The following PAX4 variants were observed in gnomAD, a reference collection of about 807,000 sequenced individuals.
PAX4 encodes the protein paired box 4, also known as paired box protein Pax-4.
A neutral mutation model predicts 40.6 loss-of-function variants in PAX4; 33 were observed. That is an observed-to-expected ratio of 0.81 (90% CI 0.62 to 1.09). PAX4 has a LOEUF of 1.09. Among genes scored for constraint, PAX4 ranks in the 50% least tolerant of loss-of-function variants. The probability of loss-of-function intolerance (pLI) is 0.00; values close to 1 mark genes in which losing one functional copy is unlikely to be tolerated. For missense variants in PAX4, 459 were observed against 442.5 expected, an observed-to-expected ratio of 1.04 and a Z score of -0.33; for synonymous variants, 174 against 170.6, an observed-to-expected ratio of 1.02 and a Z score of -0.16.
Position 127,614,994 on chromosome 7 carries a change from G to A in PAX4, c.246C>T (p.Pro82=). Residue 82 remains proline, a synonymous_variant, in exon 5 of 12, where the codon CCC becomes CCT. Coordinates refer to ENST00000639438, the MANE Select transcript of PAX4 (RefSeq NM_001366110.1). Reference sequence around the variant, plus strand: ...GCTGGGCAATTCGAGCCACCACAGGGGGTGTAGCCAGCCGTGGCTTGCTTC... The same window carrying A: ...GCTGGGCAATTCGAGCCACCACAGGAGGTGTAGCCAGCCGTGGCTTGCTTC... ...IGGSKPRLAT[P]PVVARIAQLK... 1 of 1,614,160 alleles carries A rather than the reference G, an allele frequency of 6.2e-7. No individual in the cohort carries two copies. Among genetic ancestry groups the A allele is most frequent in the Non-Finnish European group, 8.5e-7 (1 of 1,180,028 alleles).
Position 127,611,772 on chromosome 7 carries a change from C to T in PAX4, c.772-96G>A, listed in dbSNP as rs146298807. The stretch of plus-strand genomic sequence containing the variant: ...GAGCTGCCTGCCACCCAAGTAGTAT[C>T]CTGCACAACTCCAGAGGGCACCATT... On this transcript the variant is annotated intron_variant, in intron 10 of 11. Transcript: ENST00000639438. The T allele has an allele frequency of 1.4e-3, 2,231 of 1,601,880 alleles. 33 individuals carry two copies. In the African/African-American group the frequency reaches 0.026, roughly 18 times the overall value.
rs375023062 is a variant in PAX4 at position 127,610,497 on chromosome 7, G to A, written c.*567C>T. 5.2e-6 allele frequency: 1 copy of A among 193,236 alleles called. No individual in the cohort carries two copies. The allele number at this position is 193,236 out of a possible 1,614,324, so 12.0% of individuals were successfully genotyped here. A position where few individuals can be genotyped will look rare whatever the true frequency, so the allele number is the denominator to read the frequency against. On this transcript the variant is annotated 3_prime_UTR_variant, in exon 12 of 12. Transcript: ENST00000639438. ...ATGTAAGACAAGTTTCTTGTTTTTT[G>A]GGGATGCATGCTGGAAGATTTAGGA...
At chr7:127,614,772 A>G in intron 5 of PAX4, 108 bp downstream of exon 5, 2 of 1,455,034 alleles carry the variant, frequency 1.4e-6, no homozygotes, top group Non-Finnish European at 1.9e-6. Flanking sequence ...ATTGCCCAGG[A>G]GCCCTGTCAC....
rs533462973 is a variant in PAX4, at chr7:127,615,718, GA to G, written c.14-188del. On this transcript the variant is annotated intron_variant, in intron 3 of 11. Transcript: ENST00000639438. ...TTTCTTTGAGAGCTGGCTCACGGGT[GA>G]GTCTTTGTTCCTTGCCCATACCCGC... The G allele has an allele frequency of 2.4e-3, 3,600 of 1,507,134 alleles. 9 individuals are homozygous for G. The highest frequency in any genetic ancestry group is 3.2e-3 in the Middle Eastern group (17 of 5,310). The allele number at this position is 1,507,134 out of a possible 1,614,324, so 93.4% of individuals were successfully genotyped here.
At position 127,610,568 on chromosome 7, in the gene PAX4, T is replaced by C. The variant is rs554055774; in HGVS notation, c.*496A>G. ...GTCAGTGTGTGTGTGTGTGTGTGTG[T>C]GTGCGCGCACGCATGCACGCATACA... On this transcript the variant is annotated 3_prime_UTR_variant, in exon 12 of 12. Coordinates refer to ENST00000639438, the MANE Select transcript of PAX4 (RefSeq NM_001366110.1). 245 of 292,506 alleles carry C rather than the reference T, an allele frequency of 8.4e-4. 1 individual carries two copies. Among genetic ancestry groups the C allele is most frequent in the African/African-American group, 7.6e-3 (212 of 27,808 alleles). The allele number at this position is 292,506 out of a possible 1,614,324, so 18.1% of individuals were successfully genotyped here. A position where few individuals can be genotyped will look rare whatever the true frequency, so the allele number is the denominator to read the frequency against.
chr7:127,613,087 C>A lies in PAX4; in HGVS notation c.650G>T (p.Trp217Leu). 1 of 1,613,370 alleles carries A rather than the reference C, an allele frequency of 6.2e-7. No homozygotes were observed. The highest frequency in any genetic ancestry group is 1.1e-5 in the South Asian group (1 of 91,036). The change falls in exon 9 of 12, where the codon TGG (tryptophan) becomes TTG (leucine). Residue 217 changes from tryptophan (W) to leucine (L), a missense_variant. Coordinates refer to ENST00000639438, the MANE Select transcript of PAX4 (RefSeq NM_001366110.1). ...CCATTTGGCTCTTCTGTTGGAAAAC[C>A]AGACCTGAGCGAGGACAGGGACAAT... is the stretch of plus-strand genomic sequence containing the variant. ...TSLPEDTVRV[W>L]FSNRRAKWRR...
chr7:127,615,206 C>T, intron 4 of PAX4, 111 bp from the exon 5 acceptor site: 1 of 1,598,980 alleles, frequency 6.3e-7, no homozygotes, highest in East Asian at 2.2e-5. Flanking sequence ...CTGGACCAGG[C>T]CATGAAGTCG....
chr7:127,615,769 A>G (rs1406131356), intron 3 of PAX4, 147 bp downstream of exon 3: 1 of 1,505,480 alleles, frequency 6.6e-7, no homozygotes, highest in Non-Finnish European at 8.8e-7. Context: ...TAAGGGAAGC[A>G]GGACAGGGCA....
At chr7:127,616,141 T>C in intron 2 of PAX4, 114 bp from the exon 3 acceptor site, 1 of 581,224 alleles carries the variant, frequency 1.7e-6, no homozygotes, top group South Asian at 2.3e-5. Flanking sequence ...TTGGCTAAAA[T>C]CAGAAAATTC....
rs1259209343 is a variant in PAX4 at position 127,610,909 on chromosome 7, C to T, written c.*155G>A. On this transcript the variant is annotated 3_prime_UTR_variant, in exon 12 of 12. Coordinates refer to ENST00000639438, the MANE Select transcript of PAX4 (RefSeq NM_001366110.1). ...CAGCCCCTCCAATCAGGTGATGCGC[C>T]AGAGAGGCATCGAGGCAGGGCCAGG... 1 of 1,545,640 alleles carries T rather than the reference C, an allele frequency of 6.5e-7. No homozygotes were observed. Among genetic ancestry groups the T allele is most frequent in the Non-Finnish European group, 8.7e-7 (1 of 1,146,968 alleles).
intron 6 of PAX4, 110 bp from the exon 7 acceptor site, chr7:127,613,991 C>T: frequency 7.7e-7 from 1 of 1,294,570 alleles, no homozygotes; most frequent in Non-Finnish European, 1.1e-6. Context: ...GGTAGAAGAG[C>T]AGAGCCAAGC....
At position 127,611,055 on chromosome 7, in the gene PAX4, A is replaced by G; in HGVS notation, c.*9T>C. On this transcript the variant is annotated 3_prime_UTR_variant, in exon 12 of 12. Transcript: ENST00000639438. ...ATCTTCTCTATGCCATCTCCTTCCCACTCCTGCCTCATTCCAAGCCATACA... is the reference window on the plus strand; with the variant it reads ...ATCTTCTCTATGCCATCTCCTTCCCGCTCCTGCCTCATTCCAAGCCATACA... 6.3e-7 allele frequency: 1 copy of G among 1,597,594 alleles called. No individual in the cohort carries two copies. The highest frequency in any genetic ancestry group is 1.7e-5 in the Admixed American group (1 of 58,352).
intron 9 of PAX4, among the ~76,000 whole-genome samples, chr7:127,612,323 A>G (rs1313729587): frequency 1.3e-5 from 2 of 152,150 alleles, no homozygotes. Flanking sequence ...GGATGGGTGG[A>G]TGGATGCACA....
intron 6 of PAX4, among the ~76,000 whole-genome samples, 161 bp downstream of exon 6, chr7:127,614,321 C>A (rs1352633913): frequency 6.6e-6 from 1 of 152,080 alleles, no homozygotes; most frequent in Admixed American, 6.5e-5. Context: ...CTTTTCTGGA[C>A]CTCAATTTTC....
At chr7:127,612,475 A>C (rs1161421882) in intron 9 of PAX4, among the ~76,000 whole-genome samples, 2 of 146,830 alleles carry the variant, frequency 1.4e-5, no homozygotes, top group Admixed American at 1.3e-4. Flanking sequence ...GGGTGGATGG[A>C]TGGATGGATG....
intron 6 of PAX4, among the ~76,000 whole-genome samples, chr7:127,614,176 A>T (rs1405357143): frequency 6.6e-6 from 1 of 152,092 alleles, no homozygotes; most frequent in Non-Finnish European, 1.5e-5. Flanking sequence ...GAAGCTATGC[A>T]TGGGGCAGAG....
At chr7:127,615,135 G>T in intron 4 of PAX4, 40 bp from the exon 5 acceptor site, 2 of 1,613,814 alleles carry the variant, frequency 1.2e-6, no homozygotes, top group Non-Finnish European at 1.7e-6. Context: ...AGGCATGATG[G>T]GCAGAAGGAA....
At chr7:127,615,813 C>T in intron 3 of PAX4, 103 bp downstream of exon 3, 1 of 1,530,800 alleles carries the variant, frequency 6.5e-7, no homozygotes, top group Non-Finnish European at 8.7e-7. Flanking sequence ...TTCCCCAGAA[C>T]ATTGGCCAAT....
chr7:127,615,042 G>C lies in PAX4; in HGVS notation c.198C>G (p.Val66=), dbSNP rs756528689. 2 of 1,614,222 alleles carry C rather than the reference G, an allele frequency of 1.2e-6. No homozygotes were observed. Among genetic ancestry groups the C allele is most frequent in the South Asian group, 1.1e-5 (1 of 91,086 alleles). The change falls in exon 5 of 12, where the codon GTC becomes GTG. Residue 66 remains valine, a synonymous_variant. Coordinates refer to ENST00000639438, the MANE Select transcript of PAX4 (RefSeq NM_001366110.1). ...KILGRYYRTG[V]LEPKGIGGSK... ...TTCCCCCAATGCCCTTTGGCTCCAA[G>C]ACACCTGTGCGGTAGTAACGCCCTA...
Sources: allele counts gnomAD v4.1 joint callset (sites outside exome capture counted in the v4.1 genomes callset), GRCh38; gene constraint gnomAD v4.1.1; transcripts MANE v1.5; gene names NCBI Gene and HGNC (gene_info 2026-07-23, HGNC 2026-07-21).